The following POLR3E variants were observed in gnomAD, a reference collection of about 807,000 sequenced individuals.
The protein encoded by POLR3E is RNA polymerase III subunit E, also known as DNA-directed RNA polymerase III subunit RPC5.
A neutral mutation model predicts 96.6 loss-of-function variants in POLR3E; 41 were observed. The observed-to-expected ratio is 0.42, with a 90% CI of 0.33 to 0.55. POLR3E has a LOEUF of 0.55. Among genes scored for constraint, POLR3E ranks in the 20% least tolerant of loss-of-function variants. POLR3E has a pLI of 0.06. For missense variants in POLR3E, 849 were observed against 952.1 expected, an observed-to-expected ratio of 0.89 and a Z score of 1.43; for synonymous variants, 396 against 383.6, an observed-to-expected ratio of 1.03 and a Z score of -0.38.
chr16:22,313,603 CCTT>C lies in POLR3E; in HGVS notation c.365-12_365-10del, dbSNP rs1567316090. The C allele has an allele frequency of 6.3e-7, 1 of 1,579,448 alleles. No individual in the cohort carries two copies. The highest frequency in any genetic ancestry group is 8.7e-7 in the Non-Finnish European group (1 of 1,148,724). ...TGGGTTTCTAGAGTTGAGTCCAAGC[CCTT>C]CTTCCTCCGCCAGGTGAGCTCCACC... On this transcript the variant is annotated splice_polypyrimidine_tract_variant and intron_variant, in intron 6 of 20. Coordinates refer to ENST00000299853, the MANE Select transcript of POLR3E (RefSeq NM_018119.4). This position sits in a 1 kb window ranked among gnomAD's most constrained non-coding sequence, Gnocchi z 4.1.
chr16:22,319,003 T>C (rs1256731031), intron 13 of POLR3E, 57 bp downstream of exon 13: 6 of 1,328,000 alleles, frequency 4.5e-6, no homozygotes. Flanking sequence ...AGGCAGAGCT[T>C]CACTCTTGTT....
chr16:22,297,618 G>C (rs1249334670), intron 1 of POLR3E, 81 bp downstream of exon 1: 2 of 152,514 alleles, frequency 1.3e-5, no homozygotes, highest in Non-Finnish European at 2.9e-5. Context: ...AGATTCCCGA[G>C]TAGGCCAAGG....
chr16:22,331,253 G>A (rs1207806374), intron 19 of POLR3E, among the ~76,000 whole-genome samples: 2 of 152,076 alleles, frequency 1.3e-5, no homozygotes, highest in Admixed American at 6.5e-5. Flanking sequence ...TGCTGGGATT[G>A]CAGGCGTGAG....
At chr16:22,317,229 C>A in intron 12 of POLR3E, 23 bp downstream of exon 12, 1 of 1,578,452 alleles carries the variant, frequency 6.3e-7, no homozygotes, top group Non-Finnish European at 8.7e-7. Flanking sequence ...CCCCTGCCCA[C>A]CCGGGGGCCC....
In POLR3E at chr16:22,302,923, C is replaced by G. The variant is rs1165921587; in HGVS notation, c.-38-8C>G. 2 of 1,585,418 alleles carry G rather than the reference C, an allele frequency of 1.3e-6. No individual in the cohort carries two copies. The highest frequency in any genetic ancestry group is 1.1e-5 in the South Asian group (1 of 90,536). On this transcript the variant is annotated splice_polypyrimidine_tract_variant and splice_region_variant and intron_variant, in intron 1 of 20. Coordinates refer to ENST00000299853, the MANE Select transcript of POLR3E (RefSeq NM_018119.4). Reference sequence around the variant, plus strand: ...CTGATGGTCCCAGTCTCTCGCCCTCCTTTGCAGATCGAGCTGAAGGACTGC... The same window carrying G: ...CTGATGGTCCCAGTCTCTCGCCCTCGTTTGCAGATCGAGCTGAAGGACTGC...
chr16:22,309,256 A>G (rs562322122), intron 5 of POLR3E, 172 bp from the exon 6 acceptor site: 18 of 711,296 alleles, frequency 2.5e-5, no homozygotes, highest in African/African-American at 1.9e-4. Context: ...AAACAAGGCC[A>G]TGGGTTTTCT....
At chr16:22,309,077 C>A (rs373225711) in intron 5 of POLR3E, 37 bp downstream of exon 5, 8 of 1,416,864 alleles carry the variant, frequency 5.6e-6, no homozygotes, top group Non-Finnish European at 7.0e-6. Context: ...GGTTTCCCTG[C>A]GTTCACACAG....
In POLR3E at chr16:22,313,826, G is replaced by T. The variant is rs1200603815; in HGVS notation, c.472+99G>T. 7.1e-6 allele frequency: 6 copies of T among 848,758 alleles called. No homozygotes were observed. Among genetic ancestry groups the T allele is most frequent in the Non-Finnish European group, 7.6e-6 (4 of 523,328 alleles). 52.6% of individuals were successfully genotyped at this position (848,758 alleles called of 1,614,324 possible). On this transcript the variant is annotated intron_variant, in intron 7 of 20. Coordinates refer to ENST00000299853, the MANE Select transcript of POLR3E (RefSeq NM_018119.4). This position sits in a 1 kb window ranked among gnomAD's most constrained non-coding sequence, Gnocchi z 4.1. ...GATGGGATGATAGGATGTTTAGCAG[G>T]ATCCCTGGCCTCTACCTACTAGATG...
Position 22,326,276 on chromosome 16 carries a change from C to T in POLR3E, c.1864C>T (p.Pro622Ser). 6.3e-7 allele frequency: 1 copy of T among 1,587,318 alleles called. No individual in the cohort carries two copies. Among genetic ancestry groups the T allele is most frequent in the Non-Finnish European group, 8.6e-7 (1 of 1,167,680 alleles). Residue 622 changes from proline (P) to serine (S), a missense_variant and splice_region_variant, in exon 18 of 21, where the codon CCT becomes TCT. By Grantham distance (74) the Pro-to-Ser change is moderately conservative. Transcript: ENST00000299853. The part of the protein sequence containing the change: ...LAAGCKQILV[P>S]FPPQTAASPD... ...CGCCGGTTGCAAGCAGATACTGGTG[C>T]CTGTAAGTAGAGCCCTGCCTGCCAG...
At chr16:22,298,961 A>G in intron 1 of POLR3E, 1 of 456,014 alleles carries the variant, frequency 2.2e-6, no homozygotes, top group South Asian at 1.5e-5. Flanking sequence ...AGTTGAGGAA[A>G]CTGAAGCACT....
In POLR3E at chr16:22,313,654, G is replaced by A. The variant is rs1361228390; in HGVS notation, c.399G>A (p.Leu133=). The A allele has an allele frequency of 1.2e-6, 2 of 1,613,846 alleles. No homozygotes were observed. The highest frequency in any genetic ancestry group is 2.2e-5 in the East Asian group (1 of 44,886). Residue 133 remains leucine, a synonymous_variant, in exon 7 of 21, where the codon CTG becomes CTA. Transcript: ENST00000299853. This position sits in a 1 kb window ranked among gnomAD's most constrained non-coding sequence, Gnocchi z 4.1. ...ELHLTPLHGI[L]QLRPSFSYLD... is the part of the protein sequence containing the mutation. ...ACCTGACACCTTTACATGGCATCCTGCAGCTGCGGCCCAGCTTCTCCTACC... is the reference window on the plus strand; with the variant it reads ...ACCTGACACCTTTACATGGCATCCTACAGCTGCGGCCCAGCTTCTCCTACC...
intron 4 of POLR3E, chr16:22,308,439 A>C: frequency 1.8e-6 from 1 of 555,214 alleles, no homozygotes; most frequent in Non-Finnish European, 3.3e-6. Flanking sequence ...GAATGAGAGA[A>C]TGGGGCCAGA....
At chr16:22,331,906 G>A in intron 19 of POLR3E, 154 bp from the exon 20 acceptor site, 1 of 677,856 alleles carries the variant, frequency 1.5e-6, no homozygotes, top group East Asian at 2.6e-5. Context: ...GGTCTCTAGA[G>A]ATGACTTGGC....
rs1241591665 is a variant in POLR3E at position 22,324,677 on chromosome 16, A to G, written c.1286+17A>G. The G allele has an allele frequency of 1.2e-6, 2 of 1,613,278 alleles. No individual in the cohort carries two copies. Among genetic ancestry groups the G allele is most frequent in the Non-Finnish European group, 1.7e-6 (2 of 1,179,448 alleles). On this transcript the variant is annotated intron_variant, in intron 16 of 20. Coordinates refer to ENST00000299853, the MANE Select transcript of POLR3E (RefSeq NM_018119.4). Reference sequence around the variant, plus strand: ...CCAGGCCAAGTAAGCACCCTGGGCCAGGGAGGGGCAGCCCGGTGATCCCAG... The same window carrying G: ...CCAGGCCAAGTAAGCACCCTGGGCCGGGGAGGGGCAGCCCGGTGATCCCAG...
In POLR3E at chr16:22,316,665, C is replaced by T. The variant is rs766458827; in HGVS notation, c.707C>T (p.Thr236Met). Residue 236 changes from threonine to methionine, a missense_variant, in exon 10 of 21, where the codon ACG becomes ATG. Thr to Met is a moderately conservative substitution (Grantham distance 81). Coordinates refer to ENST00000299853, the MANE Select transcript of POLR3E (RefSeq NM_018119.4). ...CCCGGCTCAAGCGGGGTGGAGAACA[C>T]GGAGCTCGTCAAGTCACCCAGGTGG... ...LCPGSSGVENTELVKSPSEYL... is the reference protein window; with the variant it reads ...LCPGSSGVENMELVKSPSEYL... The T allele has an allele frequency of 2.4e-5, 39 of 1,613,770 alleles. No individual in the cohort carries two copies. Among genetic ancestry groups the T allele is most frequent in the Admixed American group, 1.3e-4 (8 of 60,010 alleles).
At chr16:22,298,740 G>C (rs890819852) in intron 1 of POLR3E, among the ~76,000 whole-genome samples, 1 of 152,150 alleles carries the variant, frequency 6.6e-6, no homozygotes, top group African/African-American at 2.4e-5. Context: ...CTGAACCTCA[G>C]TCTCGTCATT....
rs2141775758 is a variant in POLR3E, at chr16:22,317,037, G to T, written c.771G>T (p.Glu257Asp). The T allele has an allele frequency of 6.2e-7, 1 of 1,614,178 alleles. No homozygotes were observed. The highest frequency in any genetic ancestry group is 8.5e-7 in the Non-Finnish European group (1 of 1,179,992). The part of the protein sequence containing the change: ...MMLMPPSQEE[E>D]KDKPVAPSNV... ...TGATGCCACCCAGCCAGGAGGAGGA[G>T]AAGTGAGTAGAGGCGGCAGGACACC... Residue 257 changes from glutamate to aspartate, a missense_variant and splice_region_variant, in exon 11 of 21, where the codon GAG (glutamate) becomes GAT (aspartate). Coordinates refer to ENST00000299853, the MANE Select transcript of POLR3E (RefSeq NM_018119.4).
In POLR3E at chr16:22,326,207, T is replaced by C. The variant is rs1485397859; in HGVS notation, c.1795T>C (p.Phe599Leu). The change falls in exon 18 of 21, where the codon TTC (phenylalanine) becomes CTC (leucine). Residue 599 changes from phenylalanine to leucine, a missense_variant. Phe to Leu is a conservative substitution (Grantham distance 22). Coordinates refer to ENST00000299853, the MANE Select transcript of POLR3E (RefSeq NM_018119.4). ...LASLPPGHTL[F>L]SGISDRMLQD... ...CAGCCTGCCCCCCGGCCACACACTCTTCAGCGGCATCTCGGACCGCATGCT... is the reference window on the plus strand; with the variant it reads ...CAGCCTGCCCCCCGGCCACACACTCCTCAGCGGCATCTCGGACCGCATGCT... 2 of 1,613,464 alleles carry C rather than the reference T, an allele frequency of 1.2e-6. No individual in the cohort carries two copies. Among genetic ancestry groups the C allele is most frequent in the Admixed American group, 1.7e-5 (1 of 59,990 alleles).
At position 22,325,842 on chromosome 16, in the gene POLR3E, G is replaced by A. The variant is rs1158784306; in HGVS notation, c.1430G>A (p.Arg477Gln). ...CAGCAGAACCACGCGTTGCTGGAGC[G>A]GGAGCTGCAGCGGCGGAAGGAGCAG... The part of the protein sequence containing the change: ...KAQQNHALLE[R>Q]ELQRRKEQLR... The change falls in exon 18 of 21, where the codon CGG becomes CAG. Residue 477 changes from arginine to glutamine, a missense_variant. Coordinates refer to ENST00000299853, the MANE Select transcript of POLR3E (RefSeq NM_018119.4). The A allele has an allele frequency of 3.7e-6, 6 of 1,612,130 alleles. No individual in the cohort carries two copies. The highest frequency in any genetic ancestry group is 2.2e-5 in the South Asian group (2 of 90,844).
Sources: gnomAD v4.1 joint callset for allele counts (sites outside exome capture counted in the v4.1 genomes callset) on GRCh38, gnomAD v4.1.1 for gene constraint, Gnocchi (gnomAD v3.1) non-coding constraint, MANE v1.5 for transcripts, NCBI Gene and HGNC (gene_info 2026-07-23, HGNC 2026-07-21) for gene names.